Variants in NRXN1 observed in about 807,000 individuals in gnomAD.
The protein encoded by NRXN1 is neurexin-1.
NRXN1 carries 39 observed loss-of-function variants against 150.9 expected under a neutral mutation model. That is an observed-to-expected ratio of 0.26 (90% CI 0.20 to 0.34). NRXN1 has a LOEUF of 0.34. Ranked by LOEUF, NRXN1 falls within the 10% of genes least tolerant of loss-of-function variation. The pLI, the probability that NRXN1 is intolerant of heterozygous loss-of-function variation, is 1.00. For synonymous variants in NRXN1, 924 were observed against 757.0 expected (o/e 1.22, Z -3.62); for missense variants, 1,815 against 1,949.9 (o/e 0.93, Z 1.30).
intron 5 of NRXN1, among the ~76,000 whole-genome samples, chr2:50,687,447 G>A (rs565340048): frequency 9.9e-5 from 15 of 152,100 alleles, no homozygotes; most frequent in African/African-American, 3.4e-4. Context: ...TTCTATGCAT[G>A]CTTTATCATT....
At chr2:50,444,298 G>T (rs767649650) in intron 17 of NRXN1, among the ~76,000 whole-genome samples, 1 of 152,136 alleles carries the variant, frequency 6.6e-6, no homozygotes, top group Non-Finnish European at 1.5e-5. Context: ...AACAGTGTGG[G>T]ACAGAGCTGC....
chr2:49,988,970 T>G (rs536010927), intron 21 of NRXN1, among the ~76,000 whole-genome samples: 27 of 152,330 alleles, frequency 1.8e-4, no homozygotes, highest in African/African-American at 5.8e-4. Flanking sequence ...TTCATATGCA[T>G]GTACAGTGGG....
intron 17 of NRXN1, among the ~76,000 whole-genome samples, chr2:50,443,141 G>A (rs1436749441): frequency 1.3e-5 from 2 of 152,046 alleles, no homozygotes; most frequent in African/African-American, 4.8e-5. Context: ...TTTAAGGTTA[G>A]GTCAAGAGAA....
chr2:50,973,516 G>A (rs1489827702), intron 2 of NRXN1, among the ~76,000 whole-genome samples: 1 of 152,106 alleles, frequency 6.6e-6, no homozygotes, highest in East Asian at 1.9e-4. Context: ...AGAGTTATCT[G>A]ATTCGGGAGT....
chr2:50,365,479 C>G (rs926357361), intron 17 of NRXN1, among the ~76,000 whole-genome samples: 3 of 152,056 alleles, frequency 2.0e-5, no homozygotes, highest in Admixed American at 6.6e-5. Flanking sequence ...ACTTATATGA[C>G]GTATGTTTAA....
chr2:50,258,905 T>C (rs1204958762), intron 17 of NRXN1, among the ~76,000 whole-genome samples: 1 of 152,066 alleles, frequency 6.6e-6, no homozygotes, highest in Non-Finnish European at 1.5e-5. Context: ...AGAATCTCTA[T>C]TTCTAAGCAG....
intron 22 of NRXN1, among the ~76,000 whole-genome samples, chr2:49,942,299 C>T (rs751991406): frequency 5.9e-5 from 9 of 152,108 alleles, no homozygotes; most frequent in Admixed American, 3.3e-4. Context: ...AGGTGACTGC[C>T]GAGCTCTTCC....
rs113575094 is a variant in NRXN1 at position 49,986,208 on chromosome 2, C to T, written c.4129-42417G>A. On this transcript the variant is annotated intron_variant, in intron 21 of 22. Coordinates refer to ENST00000401669, the MANE Select transcript of NRXN1 (RefSeq NM_001330078.2). ...ATAATCTAGCATTTCTCTAAAGCAG[C>T]GATTCTCAATTTTGGTCTTAGATCT... 5.3e-3 allele frequency among the ~76,000 whole-genome samples: 806 copies of T among 152,198 alleles called. 9 individuals are homozygous for T. The highest frequency in any genetic ancestry group is 0.019 in the African/African-American group (769 of 41,520).
At chr2:50,985,999 A>G (rs571682854) in intron 2 of NRXN1, among the ~76,000 whole-genome samples, 2 of 151,880 alleles carry the variant, frequency 1.3e-5, no homozygotes, top group East Asian at 3.9e-4. Flanking sequence ...AAAATGAACA[A>G]AAGTGACCAA....
intron 19 of NRXN1, among the ~76,000 whole-genome samples, chr2:50,064,723 A>T (rs1403280432): frequency 6.6e-6 from 1 of 152,188 alleles, no homozygotes; most frequent in Non-Finnish European, 1.5e-5. Flanking sequence ...CCCTCCAAGG[A>T]GCATTTACTT....
At chr2:50,137,272 C>A (rs909713321) in intron 18 of NRXN1, among the ~76,000 whole-genome samples, 3 of 152,066 alleles carry the variant, frequency 2.0e-5, no homozygotes, top group Non-Finnish European at 4.4e-5. Flanking sequence ...CTGATATATA[C>A]AAACCAGTGA....
chr2:50,080,493 C>A (rs1181873943), intron 19 of NRXN1, among the ~76,000 whole-genome samples: 1 of 151,984 alleles, frequency 6.6e-6, no homozygotes, highest in African/African-American at 2.4e-5. Flanking sequence ...CAATTTTTAT[C>A]TTTATGATAT....
intron 21 of NRXN1, among the ~76,000 whole-genome samples, chr2:50,043,298 C>T (rs1165193554): frequency 2.0e-5 from 3 of 152,116 alleles, no homozygotes; most frequent in Admixed American, 6.6e-5. Context: ...GTGGAAAGCC[C>T]TCAGTTCAGA....
chr2:49,924,495 G>GT, intron 22 of NRXN1, among the ~76,000 whole-genome samples: 1 of 152,092 alleles, frequency 6.6e-6, no homozygotes, highest in South Asian at 2.1e-4. Context: ...TTTCTGAGAG[G>GT]TTTTCAAAAC....
At chr2:50,474,527 C>T (rs1335858208) in intron 15 of NRXN1, among the ~76,000 whole-genome samples, 1 of 151,396 alleles carries the variant, frequency 6.6e-6, no homozygotes, top group East Asian at 2.0e-4. Flanking sequence ...TGTGCATTTC[C>T]TCAGGAGAAC....
chr2:50,634,577 A>G (rs545353609), intron 5 of NRXN1, among the ~76,000 whole-genome samples: 21 of 152,328 alleles, frequency 1.4e-4, no homozygotes, highest in Non-Finnish European at 2.9e-4. Flanking sequence ...TTAACCATTA[A>G]GTTACTTCTT....
chr2:50,549,101 G>A (rs1328278034), intron 9 of NRXN1, among the ~76,000 whole-genome samples: 1 of 151,960 alleles, frequency 6.6e-6, no homozygotes, highest in African/African-American at 2.4e-5. Flanking sequence ...TATAAAAAAT[G>A]GGTAAAATAA....
chr2:50,642,816 C>T (rs139223107), intron 5 of NRXN1, among the ~76,000 whole-genome samples: 2 of 152,008 alleles, frequency 1.3e-5, no homozygotes, highest in African/African-American at 4.8e-5. Context: ...TGGTCTATTA[C>T]TAGACATTTT....
intron 18 of NRXN1, 43 bp downstream of exon 18, chr2:50,236,746 A>C: frequency 6.3e-7 from 1 of 1,581,920 alleles, no homozygotes; most frequent in East Asian, 2.3e-5. Context: ...CAAAAAGTTA[A>C]CAGTAAAAAG....
Sources: gnomAD v4.1 joint callset for allele counts (sites outside exome capture counted in the v4.1 genomes callset) on GRCh38, gnomAD v4.1.1 for gene constraint, MANE v1.5 for transcripts, NCBI Gene and HGNC (gene_info 2026-07-23, HGNC 2026-07-21) for gene names.